OTOR: variants seen among roughly 807,000 people sequenced by gnomAD.
The protein encoded by OTOR is fibrocyte-derived protein.
Under a neutral mutation model 15.9 loss-of-function variants are expected in OTOR, and 20 were observed. The observed-to-expected ratio is 1.26, with a 90% CI of 0.89 to 1.83. The LOEUF is 1.83. Ranked by LOEUF, OTOR falls within the 40% of genes most tolerant of loss-of-function variation. The pLI, the probability that OTOR is intolerant of heterozygous loss-of-function variation, is 0.00. For synonymous variants in OTOR, 53 were observed against 54.2 expected (o/e 0.98, Z 0.09); for missense variants, 184 against 159.0 (o/e 1.16, Z -0.85).
rs374444674 is a variant in OTOR, at chr20:16,750,026, G to C, written c.363+16G>C. On this transcript the variant is annotated intron_variant, in intron 3 of 3. Coordinates refer to ENST00000246081, the MANE Select transcript of OTOR (RefSeq NM_020157.4). ...TCCCACCACGGTAAGCATCTCAAAA[G>C]TGACTAGACAAGGACTCAGATCTTG... 1.3e-6 allele frequency: 2 copies of C among 1,527,502 alleles called. No individual in the cohort carries two copies. The highest frequency in any genetic ancestry group is 1.8e-6 in the Non-Finnish European group (2 of 1,102,366). 94.6% of individuals were successfully genotyped at this position (1,527,502 alleles called of 1,614,324 possible).
chr20:16,750,096 G>C (rs112726556), intron 3 of OTOR, 86 bp downstream of exon 3: 9 of 883,596 alleles, frequency 1.0e-5, no homozygotes, highest in African/African-American at 6.6e-5. Context: ...CAACTTACAA[G>C]TTGTATAGAA....
rs749993113 is a variant in OTOR, at chr20:16,749,966, G to GTACAC, written c.319_320insTACAC (p.Glu107ValfsTer56). On this transcript the variant is annotated frameshift_variant, in exon 3 of 4. Transcript: ENST00000246081. LOFTEE classifies it high-confidence loss of function. ...TTATTTCCCCAGGAACTTGGTCAAG[G>GTACAC]AACAGCGTGTGTACCAGGAAGCTAC... 1 of 1,613,822 alleles carries GTACAC rather than the reference G, an allele frequency of 6.2e-7. No homozygotes were observed. The highest frequency in any genetic ancestry group is 8.5e-7 in the Non-Finnish European group (1 of 1,179,834).
intron 3 of OTOR, 116 bp downstream of exon 3, chr20:16,750,126 T>C: frequency 1.6e-6 from 1 of 638,600 alleles, no homozygotes; most frequent in African/African-American, 1.8e-5. Context: ...CAACTTTCAG[T>C]GGCGACTTTT....
chr20:16,749,976 T>TGTACCAG lies in OTOR; in HGVS notation c.331_337dup (p.Glu113ValfsTer14), dbSNP rs760224173. 2 of 1,613,614 alleles carry TGTACCAG rather than the reference T, an allele frequency of 1.2e-6. No individual in the cohort carries two copies. Among genetic ancestry groups the TGTACCAG allele is most frequent in the Non-Finnish European group, 8.5e-7 (1 of 1,179,636 alleles). Reference sequence around the variant, plus strand: ...AGGAACTTGGTCAAGGAACAGCGTGTGTACCAGGAAGCTACCAAGGAAGTT... The same window carrying TGTACCAG: ...AGGAACTTGGTCAAGGAACAGCGTGTGTACCAGGTACCAGGAAGCTACCAAGGAAGTT... On this transcript the variant is annotated frameshift_variant, in exon 3 of 4. Coordinates refer to ENST00000246081, the MANE Select transcript of OTOR (RefSeq NM_020157.4). LOFTEE classifies it high-confidence loss of function.
At chr20:16,750,983 A>T in intron 3 of OTOR, 112 bp from the exon 4 acceptor site, 1 of 821,396 alleles carries the variant, frequency 1.2e-6, no homozygotes, top group Non-Finnish European at 1.9e-6. Flanking sequence ...ACCTTTACTT[A>T]CTTTAAATCC....
At chr20:16,750,973 A>T in intron 3 of OTOR, 122 bp from the exon 4 acceptor site, 5 of 751,322 alleles carry the variant, frequency 6.7e-6, no homozygotes, top group Non-Finnish European at 1.1e-5. Flanking sequence ...TTGGGGGTCA[A>T]CCTTTACTTA....
chr20:16,751,424 A>G lies in OTOR; in HGVS notation c.*306A>G. 3.0e-6 allele frequency: 1 copy of G among 335,312 alleles called. No individual in the cohort carries two copies. Among genetic ancestry groups the G allele is most frequent in the Non-Finnish European group, 5.4e-6 (1 of 185,318 alleles). The allele number at this position is 335,312 out of a possible 1,614,324, so 20.8% of individuals were successfully genotyped here. On this transcript the variant is annotated 3_prime_UTR_variant, in exon 4 of 4. Coordinates refer to ENST00000246081, the MANE Select transcript of OTOR (RefSeq NM_020157.4). Reference sequence around the variant, plus strand: ...CTCCTCTTACAGGGGGATGCATATAACAGATCATGTATGTGTAGTTATTTC... The same window carrying G: ...CTCCTCTTACAGGGGGATGCATATAGCAGATCATGTATGTGTAGTTATTTC...
At chr20:16,750,094 A>G (rs2122521546) in intron 3 of OTOR, 84 bp downstream of exon 3, 1 of 887,704 alleles carries the variant, frequency 1.1e-6, no homozygotes, top group East Asian at 2.6e-5. Context: ...TGCAACTTAC[A>G]AGTTGTATAG....
In OTOR at chr20:16,749,947, C is replaced by A. The variant is rs764567228; in HGVS notation, c.300C>A (p.Phe100Leu). 3 of 1,613,510 alleles carry A rather than the reference C, an allele frequency of 1.9e-6. No individual in the cohort carries two copies. The East Asian group carries it at 6.7e-5, about 36-fold the overall frequency. Residue 100 changes from phenylalanine (F) to leucine (L), a missense_variant, in exon 3 of 4, where the codon TTC becomes TTA. Transcript: ENST00000246081. ...ACGAGATGGGAGTCGTGGGTTATTT[C>A]CCCAGGAACTTGGTCAAGGAACAGC... is the stretch of plus-strand genomic sequence containing the variant. ...GQDEMGVVGYFPRNLVKEQRV... is the reference protein window; with the variant it reads ...GQDEMGVVGYLPRNLVKEQRV...
chr20:16,749,498 T>C (rs190432960), intron 2 of OTOR: 1 of 176,760 alleles, frequency 5.7e-6, no homozygotes, highest in Admixed American at 5.9e-5. Flanking sequence ...TAATGAAGGA[T>C]TAAATTTAAA....
chr20:16,751,793 G>A lies in OTOR; in HGVS notation c.*675G>A, dbSNP rs1484614256. 2 of 151,926 alleles carry A rather than the reference G, an allele frequency of 1.3e-5. No homozygotes were observed. The highest frequency in any genetic ancestry group is 4.8e-5 in the African/African-American group (2 of 41,344). 9.4% of individuals were successfully genotyped at this position (151,926 alleles called of 1,614,324 possible). The stretch of plus-strand genomic sequence containing the variant: ...CTCCCCCAATTTTAAAGAAGTATGT[G>A]TATATTTAATAGGGGAAGGTAGTTT... On this transcript the variant is annotated 3_prime_UTR_variant, in exon 4 of 4. Coordinates refer to ENST00000246081, the MANE Select transcript of OTOR (RefSeq NM_020157.4).
At position 16,751,401 on chromosome 20, in the gene OTOR, C is replaced by T. The variant is rs978029891; in HGVS notation, c.*283C>T. On this transcript the variant is annotated 3_prime_UTR_variant, in exon 4 of 4. Coordinates refer to ENST00000246081, the MANE Select transcript of OTOR (RefSeq NM_020157.4). ...ATTATTTTTTCAACCTAGAGAATCT[C>T]CTCTTACAGGGGGATGCATATAACA... 7.4e-5 allele frequency: 29 copies of T among 393,756 alleles called. No individual in the cohort carries two copies. In the Admixed American group the frequency reaches 1.2e-3, roughly 16 times the overall value. 24.4% of individuals were successfully genotyped at this position (393,756 alleles called of 1,614,324 possible). A position where few individuals can be genotyped will look rare whatever the true frequency, so the allele number is the denominator to read the frequency against.
At position 16,751,433 on chromosome 20, in the gene OTOR, G is replaced by A. The variant is rs1303954830; in HGVS notation, c.*315G>A. On this transcript the variant is annotated 3_prime_UTR_variant, in exon 4 of 4. Transcript: ENST00000246081. ...CAGGGGGATGCATATAACAGATCATGTATGTGTAGTTATTTCTAAGTAGTA... is the reference window on the plus strand; with the variant it reads ...CAGGGGGATGCATATAACAGATCATATATGTGTAGTTATTTCTAAGTAGTA... 3.7e-6 allele frequency: 1 copy of A among 269,856 alleles called. No homozygotes were observed. Among genetic ancestry groups the A allele is most frequent in the Non-Finnish European group, 6.9e-6 (1 of 145,536 alleles). 16.7% of individuals were successfully genotyped at this position (269,856 alleles called of 1,614,324 possible). A position where few individuals can be genotyped will look rare whatever the true frequency, so the allele number is the denominator to read the frequency against.
In OTOR at chr20:16,751,768, C is replaced by G. The variant is rs960202699; in HGVS notation, c.*650C>G. ...TGCCTTCTAAATGATCAATTTACTTCTCCCCCAATTTTAAAGAAGTATGTG... is the reference window on the plus strand; with the variant it reads ...TGCCTTCTAAATGATCAATTTACTTGTCCCCCAATTTTAAAGAAGTATGTG... On this transcript the variant is annotated 3_prime_UTR_variant, in exon 4 of 4. Transcript: ENST00000246081. The G allele has an allele frequency of 1.3e-5, 2 of 152,054 alleles. No homozygotes were observed. The highest frequency in any genetic ancestry group is 2.4e-5 in the African/African-American group (1 of 41,390). The allele number at this position is 152,054 out of a possible 1,614,324, so 9.4% of individuals were successfully genotyped here. A position where few individuals can be genotyped will look rare whatever the true frequency, so the allele number is the denominator to read the frequency against.
rs949656967 is a variant in OTOR, at chr20:16,748,801, A to G, written c.116-66A>G. Reference sequence around the variant, plus strand: ...TGATTTTCTAGTTTTTCTAATATACATTGCCTTTTACTGTTATAAAATTCA... The same window carrying G: ...TGATTTTCTAGTTTTTCTAATATACGTTGCCTTTTACTGTTATAAAATTCA... On this transcript the variant is annotated intron_variant, in intron 1 of 3. Coordinates refer to ENST00000246081, the MANE Select transcript of OTOR (RefSeq NM_020157.4). The G allele has an allele frequency of 9.0e-6, 11 of 1,225,674 alleles. No individual in the cohort carries two copies. The African/African-American group carries it at 9.3e-5, about 10-fold the overall frequency. 75.9% of individuals were successfully genotyped at this position (1,225,674 alleles called of 1,614,324 possible).
In OTOR at chr20:16,748,847, T is replaced by G. The variant is rs1209410983; in HGVS notation, c.116-20T>G. ...ATTCAGGAGCCTAAAATGTAATCAT[T>G]TAAATTTTTTTTCTTCCAGATACTA... On this transcript the variant is annotated intron_variant, in intron 1 of 3. Coordinates refer to ENST00000246081, the MANE Select transcript of OTOR (RefSeq NM_020157.4). 1 of 1,549,718 alleles carries G rather than the reference T, an allele frequency of 6.5e-7. No homozygotes were observed. Among genetic ancestry groups the G allele is most frequent in the Non-Finnish European group, 8.7e-7 (1 of 1,154,190 alleles).
rs1053328475 is a variant in OTOR, at chr20:16,751,227, G to T, written c.*109G>T. 7.8e-6 allele frequency: 6 copies of T among 771,904 alleles called. No individual in the cohort carries two copies. The Admixed American group carries it at 1.9e-4, about 24-fold the overall frequency. 47.8% of individuals were successfully genotyped at this position (771,904 alleles called of 1,614,324 possible). Reference sequence around the variant, plus strand: ...TTTTGGACTGACGTTTTAAGAATTTGTTACCTTACAGAAGAGCAAGGGCTT... The same window carrying T: ...TTTTGGACTGACGTTTTAAGAATTTTTTACCTTACAGAAGAGCAAGGGCTT... On this transcript the variant is annotated 3_prime_UTR_variant, in exon 4 of 4. Coordinates refer to ENST00000246081, the MANE Select transcript of OTOR (RefSeq NM_020157.4).
chr20:16,749,607 ATATT>A, intron 2 of OTOR: 1 of 351,480 alleles, frequency 2.8e-6, no homozygotes, highest in Non-Finnish European at 5.2e-6. Flanking sequence ...CTGTCTTTAT[ATATT>A]TATTTATGGG....
At chr20:16,748,543 A>G (rs2072507289) in intron 1 of OTOR, 27 bp downstream of exon 1, 2 of 1,284,198 alleles carry the variant, frequency 1.6e-6, no homozygotes, top group East Asian at 2.3e-5. Flanking sequence ...GCTTTTCATT[A>G]TCTTTCTATT....
Sources: allele counts gnomAD v4.1 joint callset, GRCh38; gene constraint gnomAD v4.1.1; transcripts MANE v1.5; gene names NCBI Gene and HGNC (gene_info 2026-07-23, HGNC 2026-07-21).